The following ATP8B4 variants were observed in gnomAD, a reference collection of about 807,000 sequenced individuals.
ATP8B4 encodes ATPase phospholipid transporting 8B4 (putative), also known as probable phospholipid-transporting ATPase IM.
A neutral mutation model predicts 145.6 loss-of-function variants in ATP8B4; 133 were observed. That is an observed-to-expected ratio of 0.91 (90% CI 0.79 to 1.05). ATP8B4 has a LOEUF of 1.05. Among genes scored for constraint, ATP8B4 ranks in the 50% least tolerant of loss-of-function variants. The pLI, the probability that ATP8B4 is intolerant of heterozygous loss-of-function variation, is 0.00. For missense variants in ATP8B4, 1,458 were observed against 1,425.2 expected (o/e 1.02, Z -0.37); for synonymous variants, 507 against 492.9 (o/e 1.03, Z -0.38).
intron 18 of ATP8B4, among the ~76,000 whole-genome samples, 161 bp downstream of exon 18, chr15:49,920,085 T>TG (rs1215540188): frequency 2.6e-5 from 4 of 152,158 alleles, no homozygotes; most frequent in Non-Finnish European, 5.9e-5. Flanking sequence ...GGACCATACA[T>TG]GGAAAACTCA....
chr15:49,933,018 C>G (rs2041402108), intron 15 of ATP8B4, among the ~76,000 whole-genome samples: 1 of 151,926 alleles, frequency 6.6e-6, no homozygotes, highest in Admixed American at 6.6e-5. Flanking sequence ...CAAGTTGAAA[C>G]TTTAGTTTAA....
intron 1 of ATP8B4, among the ~76,000 whole-genome samples, chr15:50,111,534 A>C (rs1381923253): frequency 6.6e-6 from 1 of 152,230 alleles, no homozygotes; most frequent in Non-Finnish European, 1.5e-5. Context: ...TGGCCATAGT[A>C]AACTCACCAA....
At chr15:49,861,464 A>ACC (rs1252948653) in intron 27 of ATP8B4, among the ~76,000 whole-genome samples, 6 of 149,484 alleles carry the variant, frequency 4.0e-5, no homozygotes, top group African/African-American at 1.5e-4. Context: ...CTATCTATCT[A>ACC]TCTATCTATC....
intron 23 of ATP8B4, among the ~76,000 whole-genome samples, chr15:49,881,196 A>G (rs2035357148): frequency 6.6e-6 from 1 of 152,196 alleles, no homozygotes; most frequent in African/African-American, 2.4e-5. Flanking sequence ...TCCATGACTG[A>G]TTTCAAGCAA....
chr15:50,001,069 T>C (rs1353024002), intron 8 of ATP8B4, among the ~76,000 whole-genome samples: 4 of 152,040 alleles, frequency 2.6e-5, no homozygotes, highest in African/African-American at 9.7e-5. Flanking sequence ...TTTTTTTTCT[T>C]TTATCAGTAT....
chr15:49,901,690 T>C, intron 20 of ATP8B4: 1 of 307,984 alleles, frequency 3.2e-6, no homozygotes, highest in South Asian at 2.8e-5. Context: ...AATTCATCAA[T>C]TTGAGGTACA....
chr15:50,085,877 T>TAAATATATATGATATATATCA (rs1276521872), intron 2 of ATP8B4, among the ~76,000 whole-genome samples: 1 of 34,720 alleles, frequency 2.9e-5, no homozygotes, highest in Admixed American at 3.8e-4. Flanking sequence ...TCATATATAT[T>TAAATATATATGATATATATCA]TATATATTTA....
chr15:50,029,255 A>AAAAAAAAAAAAAAAAAAAAAAAAAAAAC (rs776952913), intron 6 of ATP8B4, among the ~76,000 whole-genome samples: 5 of 141,158 alleles, frequency 3.5e-5, no homozygotes, highest in Non-Finnish European at 4.8e-5. Context: ...AAAAAAAAAA[A>AAAAAAAAAAAAAAAAAAAAAAAAAAAAC]AACAGAAAAA....
At chr15:50,172,292 G>A (rs1284876654) in intron 1 of ATP8B4, among the ~76,000 whole-genome samples, 1 of 152,246 alleles carries the variant, frequency 6.6e-6, no homozygotes, top group Non-Finnish European at 1.5e-5. Context: ...GCAGGCGTGC[G>A]CCGCCACGCC....
At chr15:50,121,863 T>G (rs1452547583), upstream of ATP8B4, among the ~76,000 whole-genome samples, 28 of 152,106 alleles carry the variant, frequency 1.8e-4, no homozygotes, top group Non-Finnish European at 2.9e-5. Context: ...TCAAGGATCA[T>G]CTCAACTTGT....
chr15:49,933,911 G>T, intron 15 of ATP8B4, 106 bp downstream of exon 15: 1 of 1,215,930 alleles, frequency 8.2e-7, no homozygotes, highest in Non-Finnish European at 1.1e-6. Context: ...AAAAAACAAG[G>T]CTCACTGCTC....
chr15:50,177,416 G>A (rs2044779694), intron 1 of ATP8B4, among the ~76,000 whole-genome samples: 1 of 152,132 alleles, frequency 6.6e-6, no homozygotes, highest in Admixed American at 6.5e-5. Context: ...AAAACTAACA[G>A]GTAAGAAACA....
chr15:49,873,933 G>T (rs886736116), intron 25 of ATP8B4, among the ~76,000 whole-genome samples: 7 of 152,166 alleles, frequency 4.6e-5, no homozygotes, highest in African/African-American at 7.2e-5. Context: ...TTTGAAAACT[G>T]TCAACACAAT....
intron 2 of ATP8B4, among the ~76,000 whole-genome samples, chr15:50,078,798 C>G (rs1359680814): frequency 6.6e-6 from 1 of 151,892 alleles, no homozygotes; most frequent in East Asian, 1.9e-4. Context: ...AGAATCAGAC[C>G]AATATGACAT....
At chr15:50,098,348 A>G (rs1197772058) in intron 2 of ATP8B4, among the ~76,000 whole-genome samples, 2 of 132,164 alleles carry the variant, frequency 1.5e-5, no homozygotes, top group Non-Finnish European at 3.1e-5. Context: ...CTGGAGTACA[A>G]TGGCACAATC....
intron 1 of ATP8B4, among the ~76,000 whole-genome samples, chr15:50,136,295 T>C (rs1303340479): frequency 6.6e-6 from 1 of 152,190 alleles, no homozygotes; most frequent in Non-Finnish European, 1.5e-5. Context: ...TTCTGTGAAG[T>C]TGCTATCTGG....
chr15:50,138,326 G>GTAGATAGATAGATAGA (rs71124324), intron 1 of ATP8B4, among the ~76,000 whole-genome samples: 141 of 148,226 alleles, frequency 9.5e-4, no homozygotes, highest in African/African-American at 1.9e-3. Flanking sequence ...AGATAGATAG[G>GTAGATAGATAGATAGA]TAGATAGATA....
intron 2 of ATP8B4, among the ~76,000 whole-genome samples, chr15:50,085,582 G>A (rs1016339059): frequency 2.0e-5 from 3 of 151,956 alleles, no homozygotes; most frequent in African/African-American, 7.3e-5. Context: ...CACTAGAAGT[G>A]TATGGATTGT....
chr15:49,859,979 A>G lies in ATP8B4; in HGVS notation c.*215T>C. 1 of 518,638 alleles carries G rather than the reference A, an allele frequency of 1.9e-6. No individual in the cohort carries two copies. The allele number at this position is 518,638 out of a possible 1,614,324, so 32.1% of individuals were successfully genotyped here. A position where few individuals can be genotyped will look rare whatever the true frequency, so the allele number is the denominator to read the frequency against. ...ACTTGTAACAGCGAGTGTTTTGTCC[A>G]CCAAATCACAAACCAGACAGTGACC... On this transcript the variant is annotated 3_prime_UTR_variant, in exon 28 of 28. Transcript: ENST00000284509.
Sources: gnomAD v4.1 joint callset for allele counts (sites outside exome capture counted in the v4.1 genomes callset) on GRCh38, gnomAD v4.1.1 for gene constraint, MANE v1.5 for transcripts, NCBI Gene and HGNC (gene_info 2026-07-23, HGNC 2026-07-21) for gene names.